COL22A1: variants seen among roughly 807,000 people sequenced by gnomAD.
COL22A1 encodes collagen alpha-1(XXII) chain.
COL22A1 carries 221 observed loss-of-function variants against 248.9 expected under a neutral mutation model. That is an observed-to-expected ratio of 0.89 (90% CI 0.80 to 0.99). The LOEUF (loss-of-function observed/expected upper bound fraction) is 0.99, where lower values mean the gene tolerates loss of function less well. Among genes scored for constraint, COL22A1 ranks in the 50% least tolerant of loss-of-function variants. COL22A1 has a pLI of 0.00. For synonymous variants in COL22A1, 891 were observed against 793.4 expected, an observed-to-expected ratio of 1.12 and a Z score of -2.07; for missense variants, 2,240 against 2,179.0, an observed-to-expected ratio of 1.03 and a Z score of -0.56.
chr8:138,632,721 A>C (rs1356184391), intron 49 of COL22A1, among the ~76,000 whole-genome samples: 1 of 152,308 alleles, frequency 6.6e-6, no homozygotes, highest in African/African-American at 2.4e-5. Flanking sequence ...GGCAGGGTGC[A>C]ATCAGATTTG....
intron 56 of COL22A1, 136 bp from the exon 57 acceptor site, chr8:138,608,125 C>A: frequency 1.7e-6 from 1 of 592,120 alleles, no homozygotes. Context: ...CTCAGTCTAC[C>A]ACTTCATTAC....
At chr8:138,854,064 T>C (rs962517661) in intron 3 of COL22A1, among the ~76,000 whole-genome samples, 5 of 152,224 alleles carry the variant, frequency 3.3e-5, no homozygotes, top group Non-Finnish European at 7.3e-5. Flanking sequence ...ATGGTGGCTG[T>C]GACTGTCACA....
intron 44 of COL22A1, among the ~76,000 whole-genome samples, chr8:138,659,294 C>A (rs1823579374): frequency 6.6e-6 from 1 of 152,124 alleles, no homozygotes; most frequent in African/African-American, 2.4e-5. Context: ...CTGTCCAGGT[C>A]TCTGCTGTGC....
Position 138,878,219 on chromosome 8 carries a change from G to A in COL22A1, c.189C>T (p.Asn63=). 7 of 1,596,666 alleles carry A rather than the reference G, an allele frequency of 4.4e-6. No individual in the cohort carries two copies. The highest frequency in any genetic ancestry group is 6.0e-6 in the Non-Finnish European group (7 of 1,171,894). The change falls in exon 3 of 65, where the codon AAC becomes AAT. Residue 63 remains asparagine, a synonymous_variant. Transcript: ENST00000303045. ...GGCCCACCTCGAAGGTGTCCACCAG[G>A]TTGGCCACCCACTGCCGGACCTTCT... ...DFEKVRQWVA[N]LVDTFEVGPD...
At chr8:138,606,921 G>A (rs1003004399) in intron 57 of COL22A1, among the ~76,000 whole-genome samples, 1 of 152,128 alleles carries the variant, frequency 6.6e-6, no homozygotes, top group African/African-American at 2.4e-5. Context: ...TGCACTAGGG[G>A]AGGTGATGGG....
chr8:138,811,358 C>T (rs867115996), intron 9 of COL22A1, among the ~76,000 whole-genome samples: 83 of 150,952 alleles, frequency 5.5e-4, no homozygotes, highest in African/African-American at 2.0e-3. Flanking sequence ...TATATACACA[C>T]ATATATATAT....
chr8:138,653,034 A>G (rs1822902082), intron 45 of COL22A1, among the ~76,000 whole-genome samples: 1 of 152,032 alleles, frequency 6.6e-6, no homozygotes, highest in Non-Finnish European at 1.5e-5. Flanking sequence ...GGCATGAGCC[A>G]TCGCACCCCG....
At chr8:138,609,503 G>C (rs1818691445) in intron 56 of COL22A1, among the ~76,000 whole-genome samples, 1 of 152,156 alleles carries the variant, frequency 6.6e-6, no homozygotes, top group African/African-American at 2.4e-5. Flanking sequence ...AGGGATCGCT[G>C]AGCTAGTAAG....
At chr8:138,779,644 C>G (rs1471996686) in intron 13 of COL22A1, 82 bp from the exon 14 acceptor site, 14 of 915,238 alleles carry the variant, frequency 1.5e-5, no homozygotes, top group South Asian at 5.3e-5. Flanking sequence ...TCTCCCAGGG[C>G]CTCTGCTTCC....
At position 138,611,053 on chromosome 8, in the gene COL22A1, G is replaced by C. The variant is rs143202288; in HGVS notation, c.3978+2814C>G. On this transcript the variant is annotated intron_variant, in intron 56 of 64. Coordinates refer to ENST00000303045, the MANE Select transcript of COL22A1 (RefSeq NM_152888.3). ...TGAAGTCCAGCCTGGGCAACACAGTGAGAGCCTGTCTCAAAAAAAGAAGTC... is the reference window on the plus strand; with the variant it reads ...TGAAGTCCAGCCTGGGCAACACAGTCAGAGCCTGTCTCAAAAAAAGAAGTC... 2.1e-3 allele frequency among the ~76,000 whole-genome samples: 314 copies of C among 152,304 alleles called. 2 individuals are homozygous for C. Among genetic ancestry groups the C allele is most frequent in the African/African-American group, 7.2e-3 (298 of 41,576 alleles).
At chr8:138,903,738 C>A (rs1814791928) in intron 1 of COL22A1, among the ~76,000 whole-genome samples, 1 of 152,300 alleles carries the variant, frequency 6.6e-6, no homozygotes, top group East Asian at 1.9e-4. Flanking sequence ...GAATACCCTG[C>A]TTTTTCAGCT....
At chr8:138,591,846 T>C (rs1326823247) in intron 63 of COL22A1, among the ~76,000 whole-genome samples, 1 of 152,206 alleles carries the variant, frequency 6.6e-6, no homozygotes, top group African/African-American at 2.4e-5. Context: ...TATTAACAAC[T>C]GTATACATAC....
At chr8:138,859,283 C>G (rs1000226534) in intron 3 of COL22A1, among the ~76,000 whole-genome samples, 2 of 152,166 alleles carry the variant, frequency 1.3e-5, no homozygotes, top group East Asian at 1.9e-4. Flanking sequence ...GAGCATGGAG[C>G]CCCCAGGAAA....
chr8:138,682,171 T>G (rs959209161), intron 39 of COL22A1, among the ~76,000 whole-genome samples: 3 of 152,148 alleles, frequency 2.0e-5, no homozygotes, highest in African/African-American at 7.2e-5. Context: ...CATCTCCTAC[T>G]GTTTGGAGAA....
chr8:138,789,189 C>T (rs1486733017), intron 12 of COL22A1, among the ~76,000 whole-genome samples: 1 of 152,220 alleles, frequency 6.6e-6, no homozygotes, highest in Non-Finnish European at 1.5e-5. Flanking sequence ...CCCTGCAGTG[C>T]TGTGAACTTC....
At chr8:138,697,265 C>T (rs1341885724) in intron 32 of COL22A1, among the ~76,000 whole-genome samples, 1 of 152,188 alleles carries the variant, frequency 6.6e-6, no homozygotes, top group African/African-American at 2.4e-5. Flanking sequence ...AAGTTAAACA[C>T]CATCTCTGGG....
At chr8:138,877,651 GC>G (rs1823824777) in intron 3 of COL22A1, 98 bp downstream of exon 3, 1 of 1,254,728 alleles carries the variant, frequency 8.0e-7, no homozygotes, top group Non-Finnish European at 1.1e-6. Flanking sequence ...CCTTCCTGGA[GC>G]CGGCCGTAGG....
rs1820146167 is a variant in COL22A1, at chr8:138,832,754, G to T, written c.845+285C>A. On this transcript the variant is annotated intron_variant, in intron 5 of 64. Coordinates refer to ENST00000303045, the MANE Select transcript of COL22A1 (RefSeq NM_152888.3). Reference sequence around the variant, plus strand: ...ATACCCGTTTGTTATTTCATGAATGGACAGAAAAACACATGTATGAATGAA... The same window carrying T: ...ATACCCGTTTGTTATTTCATGAATGTACAGAAAAACACATGTATGAATGAA... 2.6e-5 allele frequency among the ~76,000 whole-genome samples: 4 copies of T among 152,306 alleles called. No individual in the cohort carries two copies. The South Asian group carries it at 8.3e-4, about 32-fold the overall frequency.
At chr8:138,872,018 C>A (rs573068194) in intron 3 of COL22A1, among the ~76,000 whole-genome samples, 1 of 152,320 alleles carries the variant, frequency 6.6e-6, no homozygotes, top group South Asian at 2.1e-4. Flanking sequence ...ACTGACCCCA[C>A]ATTACAGGTA....
Sources: gnomAD v4.1 joint callset for allele counts (sites outside exome capture counted in the v4.1 genomes callset) on GRCh38, gnomAD v4.1.1 for gene constraint, MANE v1.5 for transcripts, NCBI Gene and HGNC (gene_info 2026-07-23, HGNC 2026-07-21) for gene names.